The following NHEJ1 variants were observed in gnomAD, a reference collection of about 807,000 sequenced individuals.
The protein encoded by NHEJ1 is non-homologous end joining factor 1.
NHEJ1 carries 22 observed loss-of-function variants against 39.4 expected under a neutral mutation model. The observed-to-expected ratio is 0.56, with a 90% CI of 0.40 to 0.80. The LOEUF (loss-of-function observed/expected upper bound fraction) is 0.80, where lower values mean the gene tolerates loss of function less well. Among genes scored for constraint, NHEJ1 ranks in the 30% least tolerant of loss-of-function variants. NHEJ1 has a pLI of 0.00. For synonymous variants in NHEJ1, 154 were observed against 135.6 expected (o/e 1.14, Z -0.94); for missense variants, 329 against 357.1 (o/e 0.92, Z 0.63).
At chr2:219,132,529 C>T (rs1257242719) in intron 5 of NHEJ1, among the ~76,000 whole-genome samples, 2 of 152,240 alleles carry the variant, frequency 1.3e-5, no homozygotes, top group Admixed American at 6.5e-5. Context: ...GTAAAAGATT[C>T]TAAGAGAGCA....
At chr2:219,154,977 A>G (rs1289199985) in intron 3 of NHEJ1, among the ~76,000 whole-genome samples, 5 of 147,662 alleles carry the variant, frequency 3.4e-5, no homozygotes, top group Non-Finnish European at 4.5e-5. Context: ...TATATTACAT[A>G]TATTTATATA....
intron 5 of NHEJ1, chr2:219,095,161 TG>T (rs1394163640): frequency 2.5e-6 from 1 of 401,732 alleles, no homozygotes; most frequent in East Asian, 7.2e-5. Flanking sequence ...AGGAAACACT[TG>T]GCTAAATCAG....
intron 6 of NHEJ1, 22 bp downstream of exon 6, chr2:219,078,067 C>G (rs372523451): frequency 2.6e-5 from 40 of 1,536,872 alleles, no homozygotes; most frequent in Admixed American, 1.0e-4. Context: ...TCACACAGAC[C>G]GGGTACCTCT....
intron 5 of NHEJ1, among the ~76,000 whole-genome samples, chr2:219,120,480 T>C (rs1949460863): frequency 1.3e-5 from 2 of 152,146 alleles, no homozygotes; most frequent in Admixed American, 6.5e-5. Context: ...GGGCAATGAA[T>C]GAGTATATAA....
intron 5 of NHEJ1, among the ~76,000 whole-genome samples, chr2:219,078,558 C>T (rs946136087): frequency 6.6e-6 from 1 of 152,156 alleles, no homozygotes; most frequent in Non-Finnish European, 1.5e-5. Flanking sequence ...GAACAAATTA[C>T]TATTTTCATT....
intron 5 of NHEJ1, among the ~76,000 whole-genome samples, chr2:219,142,548 GC>G (rs1285930469): frequency 6.6e-6 from 1 of 152,210 alleles, no homozygotes; most frequent in Non-Finnish European, 1.5e-5. Context: ...TAAATAAAGA[GC>G]CCGCCAGCAG....
chr2:219,150,441 T>G (rs1023446689), intron 3 of NHEJ1, among the ~76,000 whole-genome samples: 3 of 152,208 alleles, frequency 2.0e-5, no homozygotes, highest in African/African-American at 7.2e-5. Flanking sequence ...TAGGAAGTAC[T>G]GTTCAGAATG....
At chr2:219,124,139 T>C (rs1173882971) in intron 5 of NHEJ1, among the ~76,000 whole-genome samples, 1 of 152,162 alleles carries the variant, frequency 6.6e-6, no homozygotes, top group East Asian at 1.9e-4. Context: ...CATGGCTTAC[T>C]GTTCACTCCC....
At position 219,071,497 on chromosome 2, in the gene NHEJ1, C is replaced by G. The variant is rs1948956565; in HGVS notation, c.*4884G>C. ...AACCATGTTAGACAACAATGCCGAGCTGGGATGGGCTTCCCCTTCCAGCTG... is the reference window on the plus strand; with the variant it reads ...AACCATGTTAGACAACAATGCCGAGGTGGGATGGGCTTCCCCTTCCAGCTG... On this transcript the variant is annotated 3_prime_UTR_variant, in exon 8 of 8. Transcript: ENST00000356853. Among the ~76,000 whole-genome samples the G allele has an allele frequency of 6.6e-6, 1 of 152,184 alleles. No homozygotes were observed. The highest frequency in any genetic ancestry group is 2.4e-5 in the African/African-American group (1 of 41,452).
At chr2:219,098,694 T>C (rs1574710548) in intron 5 of NHEJ1, among the ~76,000 whole-genome samples, 3 of 152,320 alleles carry the variant, frequency 2.0e-5, no homozygotes, top group South Asian at 2.1e-4. Flanking sequence ...CTCACTCCTG[T>C]AATTCCACCA....
At chr2:219,143,710 T>C (rs1455704585) in intron 5 of NHEJ1, among the ~76,000 whole-genome samples, 4 of 152,170 alleles carry the variant, frequency 2.6e-5, no homozygotes, top group Non-Finnish European at 4.4e-5. Context: ...ATTCTTGAAG[T>C]AGCTGGTTCC....
chr2:219,156,234 G>C (rs895278938), intron 3 of NHEJ1, among the ~76,000 whole-genome samples: 3 of 152,168 alleles, frequency 2.0e-5, no homozygotes, highest in African/African-American at 7.2e-5. Flanking sequence ...GGGCGACAGA[G>C]TGAAACTCCG....
chr2:219,085,122 A>T (rs1236787765), intron 5 of NHEJ1, among the ~76,000 whole-genome samples: 1 of 152,264 alleles, frequency 6.6e-6, no homozygotes, highest in Non-Finnish European at 1.5e-5. Flanking sequence ...TATAGGCCAT[A>T]AAAATAGCTA....
At chr2:219,122,982 G>A (rs540089014) in intron 5 of NHEJ1, among the ~76,000 whole-genome samples, 2 of 152,320 alleles carry the variant, frequency 1.3e-5, no homozygotes, top group Non-Finnish European at 2.9e-5. Flanking sequence ...AGGCAGTTAA[G>A]AAAGAACTAA....
intron 5 of NHEJ1, among the ~76,000 whole-genome samples, chr2:219,098,928 A>G (rs909203302): frequency 5.9e-5 from 9 of 152,230 alleles, no homozygotes; most frequent in Non-Finnish European, 1.0e-4. Context: ...GGGCAATAAA[A>G]TCAGAAGTGT....
Position 219,070,562 on chromosome 2 carries a change from C to T in NHEJ1, c.*5819G>A, listed in dbSNP as rs1456707492. ...ATGTTGCCTAGGCTGGTCTCAAACT[C>T]CTAGCCTCAAGCAATCCTCCCGCCT... On this transcript the variant is annotated 3_prime_UTR_variant, in exon 8 of 8. Coordinates refer to ENST00000356853, the MANE Select transcript of NHEJ1 (RefSeq NM_024782.3). Among the ~76,000 whole-genome samples the T allele has an allele frequency of 6.6e-6, 1 of 152,216 alleles. No individual in the cohort carries two copies. The highest frequency in any genetic ancestry group is 2.4e-5 in the African/African-American group (1 of 41,460).
chr2:219,115,804 T>C (rs1302049963), intron 5 of NHEJ1, among the ~76,000 whole-genome samples: 1 of 152,046 alleles, frequency 6.6e-6, no homozygotes, highest in Non-Finnish European at 1.5e-5. Context: ...AGAGACCCCA[T>C]AAGAAAAAGA....
intron 3 of NHEJ1, among the ~76,000 whole-genome samples, chr2:219,153,487 A>G (rs1246302467): frequency 1.3e-5 from 2 of 152,222 alleles, no homozygotes; most frequent in African/African-American, 2.4e-5. Context: ...AAGAACAGAC[A>G]ACAGGAAAGA....
intron 5 of NHEJ1, among the ~76,000 whole-genome samples, chr2:219,135,198 C>T (rs1293068500): frequency 2.6e-5 from 4 of 152,122 alleles, no homozygotes; most frequent in Non-Finnish European, 4.4e-5. Flanking sequence ...TTATGAAACC[C>T]TTCTTCTACT....
Sources: allele counts gnomAD v4.1 joint callset (sites outside exome capture counted in the v4.1 genomes callset), GRCh38; gene constraint gnomAD v4.1.1; transcripts MANE v1.5; gene names NCBI Gene and HGNC (gene_info 2026-07-23, HGNC 2026-07-21).